CNST: variants seen among roughly 807,000 people sequenced by gnomAD.
CNST encodes consortin, connexin sorting protein, also known as consortin.
CNST carries 39 observed loss-of-function variants against 72.4 expected under a neutral mutation model. The ratio of observed to expected loss-of-function variants is 0.54; its 90% CI spans 0.42 to 0.70. The LOEUF (loss-of-function observed/expected upper bound fraction) is 0.70, where lower values mean the gene tolerates loss of function less well. Among genes scored for constraint, CNST ranks in the 30% least tolerant of loss-of-function variants. The pLI is 0.00. For synonymous variants in CNST, 332 were observed against 320.1 expected (o/e 1.04, Z -0.40); for missense variants, 871 against 868.5 (o/e 1.00, Z -0.04).
In CNST at chr1:246,659,203, G is replaced by A. The variant is rs74655179; in HGVS notation, c.1837-996G>A. On this transcript the variant is annotated intron_variant, in intron 9 of 10. Coordinates refer to ENST00000366513, the MANE Select transcript of CNST (RefSeq NM_152609.3). ...GCTGTGCACAGTGTTCAGATGAATC[G>A]GCTCAGCTGTGTTCCAATTAAATTA... 2.4e-4 allele frequency among the ~76,000 whole-genome samples: 37 copies of A among 152,276 alleles called. No individual in the cohort carries two copies. The East Asian group carries it at 6.2e-3, about 25-fold the overall frequency.
At chr1:246,637,899 A>G (rs1157189898) in intron 6 of CNST, among the ~76,000 whole-genome samples, 2 of 152,146 alleles carry the variant, frequency 1.3e-5, no homozygotes, top group African/African-American at 4.8e-5. Context: ...CAAAGACTAG[A>G]AGGTAATGGA....
intron 9 of CNST, among the ~76,000 whole-genome samples, chr1:246,655,033 G>A (rs1266652865): frequency 1.3e-5 from 2 of 152,186 alleles, no homozygotes; most frequent in African/African-American, 4.8e-5. Context: ...GGGATTTAAA[G>A]TAACTGAACT....
At chr1:246,573,113 C>T (rs74923291) in intron 1 of CNST, among the ~76,000 whole-genome samples, 3 of 152,160 alleles carry the variant, frequency 2.0e-5, no homozygotes, top group Non-Finnish European at 4.4e-5. Flanking sequence ...CATCTTAATT[C>T]AAATTCAGCC....
At chr1:246,570,846 G>C (rs139544175) in intron 1 of CNST, among the ~76,000 whole-genome samples, 84 of 152,276 alleles carry the variant, frequency 5.5e-4, no homozygotes, top group Middle Eastern at 3.4e-3. Flanking sequence ...GTAATCTTCA[G>C]TTTTTAAAAA....
intron 2 of CNST, among the ~76,000 whole-genome samples, chr1:246,592,465 C>G (rs1661604975): frequency 6.6e-6 from 1 of 152,088 alleles, no homozygotes; most frequent in Admixed American, 6.6e-5. Context: ...TCTAGCCTGG[C>G]TACAGAGTGA....
In CNST at chr1:246,605,225, C is replaced by T. The variant is rs190431959; in HGVS notation, c.379+13284C>T. ...CCAATGGATAAACAATGAATTTAAT[C>T]GGATTTGAAAAATCCAAAATATGGT... On this transcript the variant is annotated intron_variant, in intron 2 of 10. Coordinates refer to ENST00000366513, the MANE Select transcript of CNST (RefSeq NM_152609.3). Among the ~76,000 whole-genome samples the T allele has an allele frequency of 1.4e-4, 22 of 152,304 alleles. No homozygotes were observed. The East Asian group carries it at 4.1e-3, about 28-fold the overall frequency.
At chr1:246,581,635 C>A (rs1660791505) in intron 1 of CNST, among the ~76,000 whole-genome samples, 2 of 152,220 alleles carry the variant, frequency 1.3e-5, no homozygotes, top group African/African-American at 4.8e-5. Flanking sequence ...TCCATTACAG[C>A]TGCAAACTCC....
intron 6 of CNST, among the ~76,000 whole-genome samples, chr1:246,636,773 A>C (rs1665285630): frequency 6.6e-6 from 1 of 152,150 alleles, no homozygotes; most frequent in African/African-American, 2.4e-5. Context: ...CTCTTTCCTG[A>C]TTCAACACAT....
At chr1:246,576,867 A>T (rs1426740294) in intron 1 of CNST, among the ~76,000 whole-genome samples, 1 of 151,742 alleles carries the variant, frequency 6.6e-6, no homozygotes, top group Non-Finnish European at 1.5e-5. Context: ...CTCCACCCAC[A>T]TCCACAGTGC....
chr1:246,660,353 T>C lies in CNST; in HGVS notation c.1972+19T>C. On this transcript the variant is annotated intron_variant, in intron 10 of 10. Transcript: ENST00000366513. Reference sequence around the variant, plus strand: ...GATCAAGGTAAACCGCTTGGCACTGTGGCTAGCAGGATAGATGCTCAGTGT... The same window carrying C: ...GATCAAGGTAAACCGCTTGGCACTGCGGCTAGCAGGATAGATGCTCAGTGT... 6.2e-7 allele frequency: 1 copy of C among 1,607,108 alleles called. No individual in the cohort carries two copies. Among genetic ancestry groups the C allele is most frequent in the Non-Finnish European group, 8.5e-7 (1 of 1,177,838 alleles).
At chr1:246,644,167 G>A (rs1007888955) in intron 8 of CNST, among the ~76,000 whole-genome samples, 12 of 152,118 alleles carry the variant, frequency 7.9e-5, no homozygotes, top group Non-Finnish European at 8.8e-5. Flanking sequence ...TTGGGAGGCC[G>A]AGGCGGGCGG....
intron 2 of CNST, among the ~76,000 whole-genome samples, chr1:246,603,569 G>A (rs1440792953): frequency 1.3e-5 from 2 of 152,178 alleles, no homozygotes; most frequent in African/African-American, 4.8e-5. Context: ...TGAACATTTG[G>A]AAATGTAGTC....
chr1:246,651,399 G>A (rs114920910), intron 9 of CNST, among the ~76,000 whole-genome samples: 1 of 151,998 alleles, frequency 6.6e-6, no homozygotes, highest in Non-Finnish European at 1.5e-5. Context: ...ATGCTGGTTT[G>A]TTCTTTCTTT....
intron 7 of CNST, 67 bp downstream of exon 7, chr1:246,641,837 A>G: frequency 3.2e-6 from 4 of 1,239,852 alleles, no homozygotes; most frequent in Non-Finnish European, 4.7e-6. Flanking sequence ...TGTTGTATGG[A>G]CTATTTTGGA....
At chr1:246,577,999 C>T (rs1378230958) in intron 1 of CNST, among the ~76,000 whole-genome samples, 1 of 152,068 alleles carries the variant, frequency 6.6e-6, no homozygotes, top group Non-Finnish European at 1.5e-5. Flanking sequence ...ACATTTTAAA[C>T]ATCATCTTTA....
At chr1:246,640,208 T>C (rs1221373299) in intron 6 of CNST, among the ~76,000 whole-genome samples, 10 of 152,226 alleles carry the variant, frequency 6.6e-5, no homozygotes, top group Non-Finnish European at 1.2e-4. Flanking sequence ...TTTAAAAATA[T>C]AACTTCTGAT....
intron 1 of CNST, among the ~76,000 whole-genome samples, chr1:246,581,325 G>A (rs1660769871): frequency 6.6e-6 from 1 of 151,972 alleles, no homozygotes; most frequent in South Asian, 2.1e-4. Context: ...GAGTGCAATG[G>A]CGCAATCTTG....
intron 3 of CNST, among the ~76,000 whole-genome samples, chr1:246,624,552 A>G (rs1323157770): frequency 6.6e-6 from 1 of 152,254 alleles, no homozygotes; most frequent in Non-Finnish European, 1.5e-5. Context: ...ATCAGCAAAG[A>G]AATACTGATG....
chr1:246,601,180 C>T lies in CNST; in HGVS notation c.379+9239C>T, dbSNP rs532721623. 5.3e-5 allele frequency among the ~76,000 whole-genome samples: 8 copies of T among 152,144 alleles called. No individual in the cohort carries two copies. The South Asian group carries it at 1.2e-3, about 24-fold the overall frequency. ...AAATAGCAGGCGTGGTGGCATACAT[C>T]TGTAGTCCCAGCTACTCAGGAGACT... On this transcript the variant is annotated intron_variant, in intron 2 of 10. Coordinates refer to ENST00000366513, the MANE Select transcript of CNST (RefSeq NM_152609.3).
Sources: gnomAD v4.1 joint callset for allele counts (sites outside exome capture counted in the v4.1 genomes callset) on GRCh38, gnomAD v4.1.1 for gene constraint, MANE v1.5 for transcripts, NCBI Gene and HGNC (gene_info 2026-07-23, HGNC 2026-07-21) for gene names.